ARHGEF33: variants seen among roughly 807,000 people sequenced by gnomAD.
ARHGEF33 encodes the protein Rho guanine nucleotide exchange factor 33, also known as DH and coiled-coil domain-containing protein ENSP00000381780.
In ARHGEF33, 72 loss-of-function variants were observed where a neutral mutation model predicts 101.9. The ratio of observed to expected loss-of-function variants is 0.71; its 90% CI spans 0.58 to 0.86. The LOEUF is 0.86. ARHGEF33 is among the 40% of genes least tolerant of loss of function. ARHGEF33 has a pLI of 0.00. For synonymous variants in ARHGEF33, 499 were observed against 442.5 expected (o/e 1.13, Z -1.60); for missense variants, 1,169 against 1,111.3 (o/e 1.05, Z -0.74).
chr2:38,919,826 A>G (rs918814145), intron 3 of ARHGEF33, among the ~76,000 whole-genome samples: 14 of 152,356 alleles, frequency 9.2e-5, no homozygotes, highest in Admixed American at 2.0e-4. Context: ...AAACAACTAT[A>G]TAGAAGTAGA....
At chr2:38,949,053 T>C (rs558056955) in intron 10 of ARHGEF33, among the ~76,000 whole-genome samples, 4 of 152,238 alleles carry the variant, frequency 2.6e-5, no homozygotes, top group African/African-American at 7.2e-5. Flanking sequence ...CCTCATATCC[T>C]TTCATAGGGG....
intron 2 of ARHGEF33, among the ~76,000 whole-genome samples, chr2:38,910,296 T>C (rs763320575): frequency 2.6e-5 from 4 of 152,190 alleles, no homozygotes; most frequent in Non-Finnish European, 5.9e-5. Context: ...GGCAGCCAAG[T>C]GTGGTGGCTC....
chr2:38,896,542 T>C (rs1210099923), intron 2 of ARHGEF33, among the ~76,000 whole-genome samples: 2 of 152,230 alleles, frequency 1.3e-5, no homozygotes, highest in African/African-American at 2.4e-5. Context: ...TCCTACTTCA[T>C]GCTGGGCTTT....
Position 38,966,104 on chromosome 2 carries a change from G to GGGGGGCTTTCGC in ARHGEF33, c.2443_2454dup (p.Gly815_Arg818dup). 1 of 1,551,706 alleles carries GGGGGGCTTTCGC rather than the reference G, an allele frequency of 6.4e-7. No individual in the cohort carries two copies. Among genetic ancestry groups the GGGGGGCTTTCGC allele is most frequent in the Non-Finnish European group, 8.7e-7 (1 of 1,146,978 alleles). On this transcript the variant is annotated inframe_insertion, in exon 17 of 18. Coordinates refer to ENST00000409978, the MANE Select transcript of ARHGEF33 (RefSeq NM_001145451.5). Reference sequence around the variant, plus strand: ...ATCAAAATCCCAGGCAAGACCAGAAGGGGGGCTTTCGCAGCTCCTTCCGCA... The same window carrying GGGGGGCTTTCGC: ...ATCAAAATCCCAGGCAAGACCAGAAGGGGGGCTTTCGCGGGGGCTTTCGCAGCTCCTTCCGCA...
intron 2 of ARHGEF33, among the ~76,000 whole-genome samples, chr2:38,911,090 A>G (rs1254657022): frequency 6.6e-6 from 1 of 152,198 alleles, no homozygotes; most frequent in East Asian, 1.9e-4. Context: ...GAAAACTACG[A>G]AGCATGAACA....
At chr2:38,944,582 T>C (rs1667392664) in intron 10 of ARHGEF33, among the ~76,000 whole-genome samples, 2 of 152,166 alleles carry the variant, frequency 1.3e-5, no homozygotes, top group African/African-American at 4.8e-5. Flanking sequence ...GTCTTAAACT[T>C]AGATTTTCAT....
chr2:38,893,906 A>T (rs934668990), intron 1 of ARHGEF33, among the ~76,000 whole-genome samples: 16 of 152,226 alleles, frequency 1.1e-4, no homozygotes, highest in Admixed American at 9.8e-4. Context: ...CAAGGGAGAT[A>T]GGGCACAAAC....
intron 2 of ARHGEF33, among the ~76,000 whole-genome samples, chr2:38,899,698 G>A (rs141966716): frequency 6.6e-6 from 1 of 152,226 alleles, no homozygotes; most frequent in East Asian, 1.9e-4. Context: ...AGGGAATAAA[G>A]TTGAAATGTT....
intron 17 of ARHGEF33, chr2:38,971,995 G>A (rs1318106941): frequency 1.4e-5 from 10 of 717,852 alleles, no homozygotes. Context: ...GACATGTTGG[G>A]TTTTGGATAG....
chr2:38,941,658 C>T (rs1355240971), intron 9 of ARHGEF33, among the ~76,000 whole-genome samples: 1 of 151,996 alleles, frequency 6.6e-6, no homozygotes, highest in East Asian at 1.9e-4. Context: ...AGCAATCCCC[C>T]TGCCTCAGCC....
At chr2:38,907,035 T>C (rs1666408277) in intron 2 of ARHGEF33, among the ~76,000 whole-genome samples, 1 of 151,884 alleles carries the variant, frequency 6.6e-6, no homozygotes, top group African/African-American at 2.4e-5. Context: ...TCATGAAGGG[T>C]ATAAGACATG....
chr2:38,950,661 G>T (rs1667576793), intron 10 of ARHGEF33, among the ~76,000 whole-genome samples: 1 of 152,134 alleles, frequency 6.6e-6, no homozygotes, highest in Non-Finnish European at 1.5e-5. Context: ...TGTTGGCCAG[G>T]CTGGTCTCGA....
At position 38,975,383 on chromosome 2, in the gene ARHGEF33, A is replaced by G. The variant is rs1668254462; in HGVS notation, c.*1540A>G. 1 of 152,234 alleles carries G rather than the reference A, an allele frequency of 6.6e-6. No homozygotes were observed. Among genetic ancestry groups the G allele is most frequent in the African/African-American group, 2.4e-5 (1 of 41,468 alleles). 9.4% of individuals were successfully genotyped at this position (152,234 alleles called of 1,614,324 possible). A position where few individuals can be genotyped will look rare whatever the true frequency, so the allele number is the denominator to read the frequency against. ...GGCAGTGCTTGCAAGCACAACGCCAAATCGACTGGACGTGGAAAGTGAAAT... is the reference window on the plus strand; with the variant it reads ...GGCAGTGCTTGCAAGCACAACGCCAGATCGACTGGACGTGGAAAGTGAAAT... On this transcript the variant is annotated 3_prime_UTR_variant, in exon 18 of 18. Coordinates refer to ENST00000409978, the MANE Select transcript of ARHGEF33 (RefSeq NM_001145451.5).
At chr2:38,906,455 C>G (rs554566144) in intron 2 of ARHGEF33, among the ~76,000 whole-genome samples, 16 of 152,288 alleles carry the variant, frequency 1.1e-4, no homozygotes, top group African/African-American at 3.8e-4. Flanking sequence ...TAGCCCTTTT[C>G]TCATTGTTCC....
At chr2:38,947,982 T>G (rs1667494216) in intron 10 of ARHGEF33, among the ~76,000 whole-genome samples, 1 of 152,248 alleles carries the variant, frequency 6.6e-6, no homozygotes, top group Non-Finnish European at 1.5e-5. Flanking sequence ...TTCTTGCTTT[T>G]AGTGTATTTC....
chr2:38,920,688 G>A (rs1017624618), intron 3 of ARHGEF33, among the ~76,000 whole-genome samples: 1 of 152,148 alleles, frequency 6.6e-6, no homozygotes. Context: ...GATTAGAGGT[G>A]TGAGCCACCA....
chr2:38,952,151 A>T (rs566270266), intron 11 of ARHGEF33, among the ~76,000 whole-genome samples: 1 of 152,346 alleles, frequency 6.6e-6, no homozygotes, highest in African/African-American at 2.4e-5. Context: ...TGTGTGGGCT[A>T]ATTAAAATTG....
intron 7 of ARHGEF33, among the ~76,000 whole-genome samples, chr2:38,935,369 AG>A (rs1372522896): frequency 3.9e-5 from 3 of 77,874 alleles, no homozygotes; most frequent in Non-Finnish European, 8.2e-5. Context: ...TTTTGGGGGG[AG>A]GGGGTGGGGG....
chr2:38,964,770 G>C (rs1373257571), intron 16 of ARHGEF33, among the ~76,000 whole-genome samples: 1 of 152,042 alleles, frequency 6.6e-6, no homozygotes, highest in African/African-American at 2.4e-5. Context: ...CTAGTACTGG[G>C]AGTTGGGGAA....
Sources: allele counts gnomAD v4.1 joint callset (sites outside exome capture counted in the v4.1 genomes callset), GRCh38; gene constraint gnomAD v4.1.1; transcripts MANE v1.5; gene names NCBI Gene and HGNC (gene_info 2026-07-23, HGNC 2026-07-21).